The following AGXT variants were observed in gnomAD, a reference collection of about 807,000 sequenced individuals.
The protein encoded by AGXT is alanine--glyoxylate aminotransferase, also known as L-alanine: glyoxylate aminotransferase 1.
A neutral mutation model predicts 46.9 loss-of-function variants in AGXT; 41 were observed. The observed-to-expected ratio is 0.88, with a 90% confidence interval of 0.68 to 1.14. The LOEUF (loss-of-function observed/expected upper bound fraction) is 1.14, where lower values mean the gene tolerates loss of function less well. AGXT is among the 50% of genes most tolerant of loss of function. The pLI is 0.00. For missense variants in AGXT, 525 were observed against 522.7 expected (o/e 1.00, Z -0.04); for synonymous variants, 244 against 227.9 (o/e 1.07, Z -0.64).
chr2:240,873,428 C>A, intron 5 of AGXT: 1 of 300,762 alleles, frequency 3.3e-6, no homozygotes, highest in Non-Finnish European at 6.3e-6. Context: ...TGCCCTGCGC[C>A]CTGCCAGGCT....
At chr2:240,871,480 G>A (rs2106428679) in intron 4 of AGXT, 31 bp downstream of exon 4, 1 of 1,544,330 alleles carries the variant, frequency 6.5e-7, no homozygotes, top group South Asian at 1.2e-5. Flanking sequence ...GTGGACTGGA[G>A]CACAGCTCAG....
At chr2:240,877,123 T>G in intron 8 of AGXT, 1 of 382,150 alleles carries the variant, frequency 2.6e-6, no homozygotes, top group South Asian at 2.0e-5. Context: ...GCAGGAGCAG[T>G]GCTGCGGAGG....
chr2:240,875,021 C>A, intron 6 of AGXT, 88 bp from the exon 7 acceptor site: 2 of 1,261,072 alleles, frequency 1.6e-6, no homozygotes, highest in Non-Finnish European at 2.3e-6. Flanking sequence ...CCCCGTCTCA[C>A]TCCCGTGAAA....
intron 2 of AGXT, 151 bp from the exon 3 acceptor site, chr2:240,870,493 A>G: frequency 1.2e-6 from 1 of 852,002 alleles, no homozygotes; most frequent in Non-Finnish European, 1.9e-6. Flanking sequence ...CATTGGGCAG[A>G]GTCCACCCTC....
chr2:240,875,241 G>A (rs1415813162), intron 7 of AGXT, 37 bp downstream of exon 7: 2 of 1,545,682 alleles, frequency 1.3e-6, no homozygotes, highest in African/African-American at 1.4e-5. Flanking sequence ...GGAGGGCGCT[G>A]GGCATGGCTG....
chr2:240,869,455 G>T, intron 2 of AGXT, 93 bp downstream of exon 2: 1 of 1,403,014 alleles, frequency 7.1e-7, no homozygotes, highest in South Asian at 1.4e-5. Flanking sequence ...CCCCGTTCCT[G>T]GGTGAGCGCT....
chr2:240,875,595 C>T (rs191407777), intron 7 of AGXT, among the ~76,000 whole-genome samples: 78 of 152,364 alleles, frequency 5.1e-4, no homozygotes, highest in African/African-American at 1.8e-3. Context: ...AGGAACAAGG[C>T]GCCAGGAATG....
In AGXT at chr2:240,870,883, C is replaced by G. The variant is rs1575708229; in HGVS notation, c.423+175C>G. ...CGGCCACAGGGGAGGGTTCCATTAC[C>G]TGGGAATGGTGGGAAGACTGGTAAG... On this transcript the variant is annotated intron_variant, in intron 3 of 10. Coordinates refer to ENST00000307503, the MANE Select transcript of AGXT (RefSeq NM_000030.3). Among the ~76,000 whole-genome samples the G allele has an allele frequency of 2.6e-5, 4 of 152,204 alleles. No individual in the cohort carries two copies. In the South Asian group the frequency reaches 8.3e-4, roughly 32 times the overall value.
Position 240,877,648 on chromosome 2 carries a change from G to C in AGXT, c.942+16G>C, listed in dbSNP as rs1350861795. ...GAAGGACCCGGTAAGGAGGCCCCTG[G>C]CATTGGGCAGCCCTGCACCCATGGG... On this transcript the variant is annotated intron_variant, in intron 9 of 10. Transcript: ENST00000307503. 1.3e-6 allele frequency: 2 copies of C among 1,549,904 alleles called. No individual in the cohort carries two copies. The highest frequency in any genetic ancestry group is 2.4e-5 in the South Asian group (2 of 84,064).
chr2:240,874,223 G>A (rs1375720844), intron 6 of AGXT, among the ~76,000 whole-genome samples, 161 bp downstream of exon 6: 1 of 152,234 alleles, frequency 6.6e-6, no homozygotes, highest in Non-Finnish European at 1.5e-5. Flanking sequence ...AAGGCACTGC[G>A]TTCACAGGGA....
At chr2:240,869,568 C>A (rs1279549027) in intron 2 of AGXT, among the ~76,000 whole-genome samples, 1 of 152,212 alleles carries the variant, frequency 6.6e-6, no homozygotes, top group East Asian at 1.9e-4. Flanking sequence ...GGGCTGGGAG[C>A]AGCACAGGTG....
At chr2:240,877,202 C>T in intron 8 of AGXT, 1 of 503,606 alleles carries the variant, frequency 2.0e-6, no homozygotes, top group Non-Finnish European at 3.8e-6. Context: ...AGCCCTGGCC[C>T]TGATCCACTC....
chr2:240,871,196 C>A (rs2058988552), intron 3 of AGXT, 153 bp from the exon 4 acceptor site: 1 of 700,718 alleles, frequency 1.4e-6, no homozygotes, highest in African/African-American at 1.7e-5. Context: ...AGCGGAGATG[C>A]CCCAGCCTCC....
intron 5 of AGXT, 163 bp downstream of exon 5, chr2:240,873,212 T>A (rs2059001339): frequency 1.6e-6 from 1 of 633,626 alleles, no homozygotes; most frequent in Non-Finnish European, 2.8e-6. Context: ...CAAGAGCGGC[T>A]CCATGAACTA....
chr2:240,877,669 A>T (rs913555972), intron 9 of AGXT, 37 bp downstream of exon 9: 3 of 1,539,846 alleles, frequency 1.9e-6, no homozygotes, highest in Non-Finnish European at 2.6e-6. Context: ...CCCTGCACCC[A>T]TGGGGAAGGA....
In AGXT at chr2:240,875,108, G is replaced by A. The variant is rs112673831; in HGVS notation, c.681-1G>A. On this transcript the variant is annotated splice_acceptor_variant, in intron 6 of 10. Coordinates refer to ENST00000307503, the MANE Select transcript of AGXT (RefSeq NM_000030.3). LOFTEE classifies it high-confidence loss of function. Reference sequence around the variant, plus strand: ...TGCTCAGCCTGCTTCTTTCTCCCCAGAAAGAAGATGTACTCCCGCAAGACG... The same window carrying A: ...TGCTCAGCCTGCTTCTTTCTCCCCAAAAAGAAGATGTACTCCCGCAAGACG... 1.2e-6 allele frequency: 2 copies of A among 1,609,732 alleles called. No individual in the cohort carries two copies. Among genetic ancestry groups the A allele is most frequent in the East Asian group, 2.2e-5 (1 of 44,852 alleles).
chr2:240,876,132 G>A lies in AGXT; in HGVS notation c.846+128G>A. The A allele has an allele frequency of 2.6e-6, 3 of 1,162,694 alleles. No homozygotes were observed. The Admixed American group carries it at 5.9e-5, about 23-fold the overall frequency. 72.0% of individuals were successfully genotyped at this position (1,162,694 alleles called of 1,614,324 possible). On this transcript the variant is annotated intron_variant, in intron 8 of 10. Transcript: ENST00000307503. ...AGCCTGCCAGAGAGAGGCCCTCAGT[G>A]GGGGTGGGGGAGAGAGGACAGGGCC...
chr2:240,874,503 G>A (rs1038974567), intron 6 of AGXT, among the ~76,000 whole-genome samples: 4 of 152,248 alleles, frequency 2.6e-5, no homozygotes, highest in Non-Finnish European at 5.9e-5. Context: ...GGTAGGGGAA[G>A]GGGGCCAGAC....
At position 240,880,448 on chromosome 2, in the gene AGXT, ATCT is replaced by A. The variant is rs1484988141; in HGVS notation, c.*1632_*1634del. Reference sequence around the variant, plus strand: ...ATATTTTGTTCATATTTGGATTTTTATCTTCTTATTGTCAATGTGTGATCATTT... The same window carrying A: ...ATATTTTGTTCATATTTGGATTTTTATCTTATTGTCAATGTGTGATCATTT... On this transcript the variant is annotated 3_prime_UTR_variant, in exon 11 of 11. Coordinates refer to ENST00000307503, the MANE Select transcript of AGXT (RefSeq NM_000030.3). 4 of 151,164 alleles carry A rather than the reference ATCT, an allele frequency of 2.6e-5. No homozygotes were observed. Among genetic ancestry groups the A allele is most frequent in the African/African-American group, 9.7e-5 (4 of 41,068 alleles). The allele number at this position is 151,164 out of a possible 1,614,324, so 9.4% of individuals were successfully genotyped here. A position where few individuals can be genotyped will look rare whatever the true frequency, so the allele number is the denominator to read the frequency against.
Sources: gnomAD v4.1 joint callset for allele counts (sites outside exome capture counted in the v4.1 genomes callset) on GRCh38, gnomAD v4.1.1 for gene constraint, MANE v1.5 for transcripts, NCBI Gene and HGNC (gene_info 2026-07-23, HGNC 2026-07-21) for gene names.